Variants in ADGRL2 observed in about 807,000 individuals in gnomAD.
ADGRL2 encodes the protein calcium-independent alpha-latrotoxin receptor 2.
In ADGRL2, 44 loss-of-function variants were observed where a neutral mutation model predicts 157.4. That is an observed-to-expected ratio of 0.28 (90% CI 0.22 to 0.36). The LOEUF (loss-of-function observed/expected upper bound fraction) is 0.36, where lower values mean the gene tolerates loss of function less well. ADGRL2 is among the 10% of genes least tolerant of loss of function. The pLI, the probability that ADGRL2 is intolerant of heterozygous loss-of-function variation, is 1.00. For missense variants in ADGRL2, 1,510 were observed against 1,768.9 expected (o/e 0.85, Z 2.63); for synonymous variants, 585 against 624.7 (o/e 0.94, Z 0.95).
intron 1 of ADGRL2, among the ~76,000 whole-genome samples, chr1:81,747,034 G>A (rs112330833): frequency 0.043 from 5,499 of 128,664 alleles, 360 homozygotes; most frequent in African/African-American, 0.14. Flanking sequence ...GTGTATATAC[G>A]TATATATATG....
intron 3 of ADGRL2, among the ~76,000 whole-genome samples, chr1:81,662,252 C>CT (rs368764970): frequency 0.31 from 39,583 of 127,470 alleles, 6,600 homozygotes; most frequent in African/African-American, 0.41. Context: ...CTCATTCATT[C>CT]TTTTTTTTTT....
intron 2 of ADGRL2, among the ~76,000 whole-genome samples, chr1:81,500,139 A>G (rs141237731): frequency 1.5e-3 from 229 of 152,356 alleles, no homozygotes; most frequent in African/African-American, 5.3e-3. Context: ...GATGGCTATT[A>G]TTAAAACCAA....
intron 1 of ADGRL2, among the ~76,000 whole-genome samples, chr1:81,346,553 G>A (rs1188594310): frequency 3.3e-5 from 5 of 152,096 alleles, no homozygotes; most frequent in Non-Finnish European, 7.3e-5. Context: ...TAATTAAGGT[G>A]ATAAAAGTGG....
intron 2 of ADGRL2, among the ~76,000 whole-genome samples, chr1:81,524,339 C>A (rs1305912938): frequency 1.3e-5 from 2 of 152,302 alleles, no homozygotes; most frequent in Admixed American, 1.3e-4. Flanking sequence ...GCACTCTAGC[C>A]TGGGCAACAG....
intron 2 of ADGRL2, among the ~76,000 whole-genome samples, chr1:81,561,625 T>A (rs922471654): frequency 6.6e-6 from 1 of 152,218 alleles, no homozygotes; most frequent in African/African-American, 2.4e-5. Flanking sequence ...CATGCCCGGC[T>A]AATTTTTGTA....
intron 1 of ADGRL2, among the ~76,000 whole-genome samples, chr1:81,816,583 A>C (rs1571394067): frequency 6.6e-6 from 1 of 151,934 alleles, no homozygotes; most frequent in South Asian, 2.1e-4. Context: ...ATTAGTATCA[A>C]TGTATAGGTT....
intron 1 of ADGRL2, among the ~76,000 whole-genome samples, chr1:81,413,041 G>A (rs2076974386): frequency 6.6e-6 from 1 of 152,078 alleles, no homozygotes. Context: ...ATATATCAAA[G>A]TTTTTGGCTT....
chr1:81,596,754 A>AT (rs937291228), intron 3 of ADGRL2, among the ~76,000 whole-genome samples: 30 of 151,890 alleles, frequency 2.0e-4, no homozygotes, highest in Admixed American at 6.6e-5. Flanking sequence ...GGCACAACGA[A>AT]TTTTTTTTCC....
At chr1:81,855,286 A>T (rs1459341829) in intron 2 of ADGRL2, among the ~76,000 whole-genome samples, 1 of 151,910 alleles carries the variant, frequency 6.6e-6, no homozygotes, top group Non-Finnish European at 1.5e-5. Flanking sequence ...CAGAAAATTT[A>T]AAAAATTAGC....
At chr1:81,875,242 G>A (rs1205903746) in intron 2 of ADGRL2, among the ~76,000 whole-genome samples, 1 of 152,066 alleles carries the variant, frequency 6.6e-6, no homozygotes, top group East Asian at 1.9e-4. Context: ...GCATTAAAGG[G>A]ATATGACAGA....
chr1:81,549,778 G>A (rs191526806), intron 2 of ADGRL2, among the ~76,000 whole-genome samples: 2 of 152,260 alleles, frequency 1.3e-5, no homozygotes, highest in African/African-American at 2.4e-5. Context: ...GGGCATGAGA[G>A]GTACCTGTTA....
chr1:81,793,395 A>G (rs772329401), intron 2 of ADGRL2, among the ~76,000 whole-genome samples: 1 of 152,144 alleles, frequency 6.6e-6, no homozygotes, highest in Non-Finnish European at 1.5e-5. Context: ...AGAGCAAATT[A>G]GAATCATTGG....
At chr1:81,510,721 T>G (rs1164936449) in intron 2 of ADGRL2, among the ~76,000 whole-genome samples, 3 of 152,206 alleles carry the variant, frequency 2.0e-5, no homozygotes, top group Non-Finnish European at 4.4e-5. Flanking sequence ...TTTTGTCATT[T>G]TCAAGGTGTA....
chr1:81,508,544 A>T, intron 2 of ADGRL2, among the ~76,000 whole-genome samples: 1 of 152,322 alleles, frequency 6.6e-6, no homozygotes, highest in Non-Finnish European at 1.5e-5. Context: ...GCTCCCTTGC[A>T]TGCCCTATTG....
chr1:81,529,184 A>G (rs554178568), intron 2 of ADGRL2, among the ~76,000 whole-genome samples: 8 of 152,152 alleles, frequency 5.3e-5, no homozygotes, highest in Non-Finnish European at 1.0e-4. Flanking sequence ...GAATCCCAGG[A>G]GGGAAGTAGG....
intron 1 of ADGRL2, among the ~76,000 whole-genome samples, chr1:81,422,754 T>C (rs1295370703): frequency 6.6e-6 from 1 of 152,210 alleles, no homozygotes; most frequent in Non-Finnish European, 1.5e-5. Flanking sequence ...CTGAAAATAA[T>C]AATACCTGTC....
intron 2 of ADGRL2, among the ~76,000 whole-genome samples, chr1:81,473,743 C>T (rs755310998): frequency 9.9e-5 from 15 of 151,604 alleles, no homozygotes; most frequent in South Asian, 4.2e-4. Flanking sequence ...TCAAGGGTAG[C>T]GCTGCAGCAT....
At chr1:81,567,488 C>T (rs2080589829) in intron 2 of ADGRL2, among the ~76,000 whole-genome samples, 1 of 152,016 alleles carries the variant, frequency 6.6e-6, no homozygotes. Flanking sequence ...GGTACTTATC[C>T]GGAATGCTGA....
chr1:81,612,353 A>G (rs1023282135), intron 3 of ADGRL2, among the ~76,000 whole-genome samples: 3 of 152,204 alleles, frequency 2.0e-5, no homozygotes, highest in Admixed American at 2.0e-4. Context: ...GGGCACCATC[A>G]GGGCCTGGAT....
Sources: allele counts gnomAD v4.1 joint callset (sites outside exome capture counted in the v4.1 genomes callset), GRCh38; gene constraint gnomAD v4.1.1; transcripts MANE v1.5; gene names NCBI Gene and HGNC (gene_info 2026-07-23, HGNC 2026-07-21).